The following MAN1A2 variants were observed in gnomAD, a reference collection of about 807,000 sequenced individuals.
The protein encoded by MAN1A2 is mannosidase alpha class 1A member 2, also known as mannosyl-oligosaccharide 1,2-alpha-mannosidase IB.
In MAN1A2, 26 loss-of-function variants were observed where a neutral mutation model predicts 75.7. The ratio of observed to expected loss-of-function variants is 0.34; its 90% CI spans 0.25 to 0.48. MAN1A2 has a LOEUF of 0.48. Among genes scored for constraint, MAN1A2 ranks in the 20% least tolerant of loss-of-function variants. The probability of loss-of-function intolerance (pLI) is 0.99; values close to 1 mark genes in which losing one functional copy is unlikely to be tolerated. For missense variants in MAN1A2, 562 were observed against 775.5 expected, an observed-to-expected ratio of 0.72 and a Z score of 3.27; for synonymous variants, 247 against 264.6, an observed-to-expected ratio of 0.93 and a Z score of 0.65.
intron 8 of MAN1A2, among the ~76,000 whole-genome samples, chr1:117,472,812 AT>A (rs922650045): frequency 1.0e-4 from 15 of 148,080 alleles, no homozygotes; most frequent in African/African-American, 1.5e-4. Context: ...AAAACATGAG[AT>A]TTTTTTTTTT....
intron 4 of MAN1A2, among the ~76,000 whole-genome samples, chr1:117,415,624 G>A (rs2101772589): frequency 1.3e-5 from 2 of 151,856 alleles, no homozygotes; most frequent in South Asian, 4.2e-4. Flanking sequence ...GTGAGTGATA[G>A]AAAACCTAAT....
At chr1:117,499,805 GT>G (rs1165461475) in intron 11 of MAN1A2, among the ~76,000 whole-genome samples, 1 of 149,822 alleles carries the variant, frequency 6.7e-6, no homozygotes, top group Non-Finnish European at 1.5e-5. Flanking sequence ...ATTTTTAATG[GT>G]TAGTTAAGTA....
chr1:117,411,303 T>G (rs1217348540), intron 3 of MAN1A2, among the ~76,000 whole-genome samples: 2 of 151,806 alleles, frequency 1.3e-5, no homozygotes, highest in Non-Finnish European at 3.0e-5. Flanking sequence ...TAATTGATTT[T>G]CAACAAAGAT....
chr1:117,498,400 T>C (rs1651099810), intron 10 of MAN1A2, among the ~76,000 whole-genome samples: 1 of 151,870 alleles, frequency 6.6e-6, no homozygotes, highest in African/African-American at 2.4e-5. Flanking sequence ...TATATCATAG[T>C]TACTATAATT....
chr1:117,468,333 A>G (rs1024712718), intron 8 of MAN1A2, among the ~76,000 whole-genome samples: 1 of 152,130 alleles, frequency 6.6e-6, no homozygotes, highest in Non-Finnish European at 1.5e-5. Flanking sequence ...GAGTGTATAT[A>G]TTTGTATGCT....
At chr1:117,514,739 T>C (rs1651660438) in intron 12 of MAN1A2, 4 of 489,262 alleles carry the variant, frequency 8.2e-6, no homozygotes, top group Middle Eastern at 3.4e-4. Context: ...GTGGGATCAT[T>C]GTGGGTGAGG....
At chr1:117,457,531 T>G (rs1649642175) in intron 6 of MAN1A2, among the ~76,000 whole-genome samples, 1 of 152,094 alleles carries the variant, frequency 6.6e-6, no homozygotes, top group African/African-American at 2.4e-5. Flanking sequence ...TATTTTAGAT[T>G]CTTCCTGTGA....
intron 1 of MAN1A2, among the ~76,000 whole-genome samples, chr1:117,372,178 A>G (rs968910222): frequency 2.0e-5 from 3 of 152,148 alleles, no homozygotes; most frequent in Admixed American, 6.5e-5. Flanking sequence ...CTGGATGGTA[A>G]GAAGCAGGAG....
chr1:117,523,065 G>T lies in MAN1A2; in HGVS notation c.*108G>T. On this transcript the variant is annotated 3_prime_UTR_variant, in exon 13 of 13. Transcript: ENST00000356554. ...AAAACCTGGACCTCTATGTCAACAT[G>T]ACAGGGTGAAACTATTCCCCCTAAG... 8.3e-7 allele frequency: 1 copy of T among 1,203,182 alleles called. No individual in the cohort carries two copies. The highest frequency in any genetic ancestry group is 1.2e-6 in the Non-Finnish European group (1 of 822,886). The allele number at this position is 1,203,182 out of a possible 1,614,324, so 74.5% of individuals were successfully genotyped here.
rs184556760 is a variant in MAN1A2 at position 117,450,746 on chromosome 1, G to A, written c.950+8421G>A. On this transcript the variant is annotated intron_variant, in intron 6 of 12. Coordinates refer to ENST00000356554, the MANE Select transcript of MAN1A2 (RefSeq NM_006699.5). Reference sequence around the variant, plus strand: ...CAGACTATGGCTTCAGAGGGTGCAAGCCTCAAGCTTCCATGTGGTGTTGAG... The same window carrying A: ...CAGACTATGGCTTCAGAGGGTGCAAACCTCAAGCTTCCATGTGGTGTTGAG... Among the ~76,000 whole-genome samples, 268 of 152,302 alleles carry A rather than the reference G, an allele frequency of 1.8e-3. 1 individual carries two copies. Among genetic ancestry groups the A allele is most frequent in the African/African-American group, 6.3e-3 (261 of 41,574 alleles).
chr1:117,452,886 A>G (rs1476800872), intron 6 of MAN1A2, among the ~76,000 whole-genome samples: 1 of 152,224 alleles, frequency 6.6e-6, no homozygotes, highest in Non-Finnish European at 1.5e-5. Flanking sequence ...AGAGAAGTCA[A>G]TGCTTGGCTT....
At chr1:117,371,654 G>C (rs930777078) in intron 1 of MAN1A2, among the ~76,000 whole-genome samples, 2 of 152,136 alleles carry the variant, frequency 1.3e-5, no homozygotes, top group Admixed American at 6.5e-5. Flanking sequence ...TCTGAGAAAT[G>C]TTAAGTATGG....
At chr1:117,439,816 T>C (rs547550674) in intron 5 of MAN1A2, among the ~76,000 whole-genome samples, 9 of 152,264 alleles carry the variant, frequency 5.9e-5, no homozygotes, top group Non-Finnish European at 1.2e-4. Context: ...ACTTATACTT[T>C]AAAGCTCTTT....
chr1:117,472,009 G>A (rs1650176360), intron 8 of MAN1A2, among the ~76,000 whole-genome samples: 2 of 151,976 alleles, frequency 1.3e-5, no homozygotes, highest in South Asian at 4.1e-4. Context: ...ATACTAGAAA[G>A]CTAATATAAT....
At chr1:117,502,239 C>T (rs1651224801) in intron 11 of MAN1A2, among the ~76,000 whole-genome samples, 1 of 151,666 alleles carries the variant, frequency 6.6e-6, no homozygotes, top group Non-Finnish European at 1.5e-5. Flanking sequence ...CAGCATTCAG[C>T]ACATAGTAAA....
intron 12 of MAN1A2, among the ~76,000 whole-genome samples, chr1:117,519,448 A>G (rs1043686562): frequency 6.6e-6 from 1 of 152,102 alleles, no homozygotes; most frequent in Non-Finnish European, 1.5e-5. Flanking sequence ...ATTAACCAAG[A>G]AAAGAAAGAA....
intron 5 of MAN1A2, among the ~76,000 whole-genome samples, chr1:117,429,972 C>A (rs1424061162): frequency 1.4e-5 from 1 of 70,312 alleles, no homozygotes. Flanking sequence ...GGCGGCTGGC[C>A]GGGCGGAGGG....
Position 117,458,523 on chromosome 1 carries a change from A to ATTTTTTTTTTTTTT in MAN1A2, c.951-1962_951-1949dup, listed in dbSNP as rs5777311. Among the ~76,000 whole-genome samples, 219 of 105,510 alleles carry ATTTTTTTTTTTTTT rather than the reference A, an allele frequency of 2.1e-3. 7 individuals are homozygous for ATTTTTTTTTTTTTT. The highest frequency in any genetic ancestry group is 3.2e-3 in the Non-Finnish European group (158 of 50,134). 69.2% of individuals were successfully genotyped at this position (105,510 alleles called of 152,430 possible). ...TATATATATATATAGATATATATATATTTTTTTTTTTTTTTTTGAGACAGA... is the reference window on the plus strand; with the variant it reads ...TATATATATATATAGATATATATATATTTTTTTTTTTTTTTTTTTTTTTTTTTTTTTGAGACAGA... On this transcript the variant is annotated intron_variant, in intron 6 of 12. Transcript: ENST00000356554.
chr1:117,510,950 T>A (rs933530522), intron 12 of MAN1A2, among the ~76,000 whole-genome samples: 1 of 152,058 alleles, frequency 6.6e-6, no homozygotes, highest in Admixed American at 6.6e-5. Context: ...AACACTAACA[T>A]CATCTGTATT....
Sources: gnomAD v4.1 joint callset for allele counts (sites outside exome capture counted in the v4.1 genomes callset) on GRCh38, gnomAD v4.1.1 for gene constraint, MANE v1.5 for transcripts, NCBI Gene and HGNC (gene_info 2026-07-23, HGNC 2026-07-21) for gene names.